The following SLC29A3 variants were observed in gnomAD, a reference collection of about 807,000 sequenced individuals.
SLC29A3 encodes the protein solute carrier family 29 member 3, also known as equilibrative nucleoside transporter 3.
Under a neutral mutation model 25.4 loss-of-function variants are expected in SLC29A3, and 18 were observed. The observed-to-expected ratio is 0.71, with a 90% CI of 0.49 to 1.05. The LOEUF (loss-of-function observed/expected upper bound fraction) is 1.05. SLC29A3 is among the 50% of genes least tolerant of loss of function. SLC29A3 has a pLI of 0.00. For synonymous variants in SLC29A3, 258 were observed against 267.1 expected, an observed-to-expected ratio of 0.97 and a Z score of 0.33; for missense variants, 586 against 609.0, an observed-to-expected ratio of 0.96 and a Z score of 0.40.
intron 5 of SLC29A3, among the ~76,000 whole-genome samples, chr10:71,359,065 C>T (rs1362776110): frequency 1.3e-5 from 2 of 152,128 alleles, no homozygotes; most frequent in African/African-American, 4.8e-5. Flanking sequence ...TGGGCTGCCA[C>T]GCCCAGCTAA....
chr10:71,337,150 C>A (rs1457447278), intron 2 of SLC29A3, among the ~76,000 whole-genome samples: 9 of 152,204 alleles, frequency 5.9e-5, no homozygotes, highest in African/African-American at 2.2e-4. Context: ...GGCATTGCCC[C>A]CCTTCCCTGC....
chr10:71,354,462 G>A (rs1358414213), intron 4 of SLC29A3, among the ~76,000 whole-genome samples: 4 of 152,192 alleles, frequency 2.6e-5, no homozygotes, highest in Non-Finnish European at 5.9e-5. Context: ...GAGAGGCTGG[G>A]GAAAGGATCC....
rs546598744 is a variant in SLC29A3 at position 71,372,198 on chromosome 10, C to T, written c.*95-3497C>T. Among the ~76,000 whole-genome samples the T allele has an allele frequency of 2.0e-5, 3 of 152,270 alleles. No homozygotes were observed. The South Asian group carries it at 6.2e-4, about 32-fold the overall frequency. On this transcript the variant is annotated intron_variant and NMD_transcript_variant, in intron 3 of 4. Transcript: ENST00000642772. ...AAGTCCCTCTGTCTAATCAGATTTC[C>T]AGAGAAATAGAGGAACTACTGCTTA...
intron 2 of SLC29A3, 149 bp downstream of exon 2, chr10:71,323,203 T>A: frequency 9.2e-7 from 1 of 1,092,188 alleles, no homozygotes; most frequent in Non-Finnish European, 1.3e-6. Flanking sequence ...TATGGTTCCA[T>A]GTGGTGTGTA....
At chr10:71,379,203 C>T (rs1017510658) in intron 4 of SLC29A3, among the ~76,000 whole-genome samples, 3 of 152,198 alleles carry the variant, frequency 2.0e-5, no homozygotes, top group Non-Finnish European at 2.9e-5. Context: ...GAGGGCCAGC[C>T]CATGTTTTGC....
rs1457918910 is a variant in SLC29A3 at position 71,362,370 on chromosome 10, A to C, written c.1190A>C (p.Asn397Thr). The change falls in exon 6 of 6, where the codon AAC (asparagine) becomes ACC (threonine). Residue 397 changes from asparagine (N) to threonine (T), a missense_variant. Physicochemically the swap from Asn to Thr is moderately conservative, Grantham distance 65. Transcript: ENST00000373189. The part of the protein sequence containing the change: ...TCLIPLFVLC[N>T]YQPRVHLKTV... Reference sequence around the variant, plus strand: ...CTCATCCCCCTCTTCGTGCTCTGTAACTACCAGCCCCGCGTCCACCTGAAG... The same window carrying C: ...CTCATCCCCCTCTTCGTGCTCTGTACCTACCAGCCCCGCGTCCACCTGAAG... 6.2e-7 allele frequency: 1 copy of C among 1,614,026 alleles called. No homozygotes were observed. The highest frequency in any genetic ancestry group is 8.5e-7 in the Non-Finnish European group (1 of 1,180,004).
At chr10:71,345,859 TG>T (rs1223246419) in intron 3 of SLC29A3, among the ~76,000 whole-genome samples, 1 of 152,154 alleles carries the variant, frequency 6.6e-6, no homozygotes, top group Non-Finnish European at 1.5e-5. Context: ...ACAGCCGTGG[TG>T]GGGGGAGCCC....
At position 71,362,714 on chromosome 10, in the gene SLC29A3, C is replaced by T. The variant is rs757240765; in HGVS notation, c.*106C>T. 21 of 1,453,480 alleles carry T rather than the reference C, an allele frequency of 1.4e-5. No individual in the cohort carries two copies. The Admixed American group carries it at 3.2e-4, about 22-fold the overall frequency. 90.0% of individuals were successfully genotyped at this position (1,453,480 alleles called of 1,614,324 possible). On this transcript the variant is annotated 3_prime_UTR_variant, in exon 6 of 6. Coordinates refer to ENST00000373189, the MANE Select transcript of SLC29A3 (RefSeq NM_018344.6). ...AAAGGCCTAAAGTTTCACTTGGGGA[C>T]AGAGAGCAGAGCACACTCGGGCCTC...
chr10:71,321,629 C>T (rs1444794016), intron 1 of SLC29A3, among the ~76,000 whole-genome samples: 1 of 152,226 alleles, frequency 6.6e-6, no homozygotes, highest in African/African-American at 2.4e-5. Context: ...TCAACAGCTG[C>T]TTATAGGCCA....
chr10:71,369,393 A>T (rs1037275486), intron 3 of SLC29A3, among the ~76,000 whole-genome samples: 1 of 152,258 alleles, frequency 6.6e-6, no homozygotes, highest in African/African-American at 2.4e-5. Flanking sequence ...AGCTGAGGAC[A>T]TTTCTATGCA....
At chr10:71,328,918 G>A (rs189993901) in intron 2 of SLC29A3, among the ~76,000 whole-genome samples, 4 of 152,322 alleles carry the variant, frequency 2.6e-5, no homozygotes, top group African/African-American at 7.2e-5. Context: ...AAAGAAGCAA[G>A]ATAGCATACT....
At chr10:71,364,715 C>G (rs769138414), downstream of SLC29A3, 1 of 152,252 alleles carries the variant, frequency 6.6e-6, no homozygotes. Context: ...TGCTCCCCAC[C>G]GTCTCAGCCT....
intron 4 of SLC29A3, among the ~76,000 whole-genome samples, chr10:71,379,406 T>C (rs1045676158): frequency 6.6e-5 from 10 of 152,220 alleles, no homozygotes; most frequent in African/African-American, 2.4e-4. Flanking sequence ...TAACAGCCAA[T>C]GTCCCAAACA....
intron 2 of SLC29A3, among the ~76,000 whole-genome samples, chr10:71,325,897 T>A (rs1845953933): frequency 6.6e-6 from 1 of 151,218 alleles, no homozygotes; most frequent in Admixed American, 6.6e-5. Flanking sequence ...TGCCTCATAT[T>A]TCTGGACTAT....
exon 5 of SLC29A3, chr10:71,381,304 T>C (rs183574121): frequency 3.3e-4 from 50 of 152,286 alleles, no homozygotes; most frequent in African/African-American, 1.2e-3. Context: ...GTGGGGGCAG[T>C]CTCTGTACCA....
At chr10:71,341,710 G>A (rs769607024) in intron 2 of SLC29A3, among the ~76,000 whole-genome samples, 1 of 152,200 alleles carries the variant, frequency 6.6e-6, no homozygotes, top group Non-Finnish European at 1.5e-5. Flanking sequence ...GTTTCTGTGG[G>A]CCAGAAGTCC....
intron 3 of SLC29A3, among the ~76,000 whole-genome samples, 153 bp downstream of exon 3, chr10:71,344,444 GTCAGA>G (rs1436362716): frequency 6.6e-6 from 1 of 152,222 alleles, no homozygotes; most frequent in Non-Finnish European, 1.5e-5. Context: ...AGAGTGAGAA[GTCAGA>G]TCAGATCCCT....
intron 2 of SLC29A3, among the ~76,000 whole-genome samples, chr10:71,330,569 G>A (rs571713991): frequency 6.6e-6 from 1 of 152,384 alleles, no homozygotes; most frequent in African/African-American, 2.4e-5. Flanking sequence ...TACCCACTGT[G>A]TGGGTTGGAG....
rs1166563034 is a variant in SLC29A3, at chr10:71,351,789, G to C, written c.610+1G>C. 3 of 1,609,156 alleles carry C rather than the reference G, an allele frequency of 1.9e-6. No homozygotes were observed. Among genetic ancestry groups the C allele is most frequent in the Non-Finnish European group, 2.5e-6 (3 of 1,178,640 alleles). ...AGGAACTCCCAGGCACTGATATCAG[G>C]TGAGAGCCAGGGTCCGGGCAGCTGA... On this transcript the variant is annotated splice_donor_variant, in intron 4 of 5. Transcript: ENST00000373189. LOFTEE classifies it high-confidence loss of function.
Sources: allele counts gnomAD v4.1 joint callset (sites outside exome capture counted in the v4.1 genomes callset), GRCh38; gene constraint gnomAD v4.1.1; transcripts MANE v1.5; gene names NCBI Gene and HGNC (gene_info 2026-07-23, HGNC 2026-07-21).